Variants in ZFYVE1 observed in about 807,000 individuals in gnomAD.
ZFYVE1 encodes zinc finger FYVE-type containing 1, also known as zinc finger FYVE domain-containing protein 1.
A neutral mutation model predicts 74.4 loss-of-function variants in ZFYVE1; 30 were observed. The observed-to-expected ratio is 0.40, with a 90% CI of 0.30 to 0.55. ZFYVE1 has a LOEUF of 0.55. Ranked by LOEUF, ZFYVE1 falls within the 20% of genes least tolerant of loss-of-function variation. The pLI, the probability that ZFYVE1 is intolerant of heterozygous loss-of-function variation, is 0.42. For synonymous variants in ZFYVE1, 335 were observed against 385.1 expected (o/e 0.87, Z 1.52); for missense variants, 703 against 1,011.6 (o/e 0.69, Z 4.14).
At chr14:72,988,705 G>T (rs952118098) in intron 4 of ZFYVE1, among the ~76,000 whole-genome samples, 1 of 150,976 alleles carries the variant, frequency 6.6e-6, no homozygotes, top group Non-Finnish European at 1.5e-5. Flanking sequence ...TACTTGGGAG[G>T]CTGAGGCATG....
chr14:73,006,216 G>T (rs115517943), intron 2 of ZFYVE1, among the ~76,000 whole-genome samples: 3,424 of 151,532 alleles, frequency 0.023, 111 homozygotes, highest in African/African-American at 0.076. Context: ...ACCGCGCCCG[G>T]CCAAAACACA....
intron 2 of ZFYVE1, among the ~76,000 whole-genome samples, chr14:72,999,581 A>G (rs567298363): frequency 6.6e-6 from 1 of 152,304 alleles, no homozygotes; most frequent in East Asian, 1.9e-4. Flanking sequence ...TCAAAAAAAA[A>G]AAAGACAATG....
intron 4 of ZFYVE1, among the ~76,000 whole-genome samples, chr14:72,991,938 GCT>G (rs1327927319): frequency 6.8e-6 from 1 of 147,064 alleles, no homozygotes; most frequent in Non-Finnish European, 1.5e-5. Flanking sequence ...ACAGCATCTC[GCT>G]CTGTCTCCCA....
rs947258208 is a variant in ZFYVE1 at position 72,975,495 on chromosome 14, G to A, written c.1806+56C>T. ...GAACAAGCTTAGCACAGGGCAAAGC[G>A]GCATTAAGTAGGATGGGCTGTGCCA... On this transcript the variant is annotated intron_variant, in intron 9 of 11. Transcript: ENST00000556143. This position sits in a 1 kb window ranked among gnomAD's most constrained non-coding sequence, Gnocchi z 4.1. 1.3e-5 allele frequency: 20 copies of A among 1,560,286 alleles called. No homozygotes were observed. Among genetic ancestry groups the A allele is most frequent in the South Asian group, 9.7e-5 (8 of 82,386 alleles).
At chr14:73,023,230 G>A (rs1168970813) in intron 2 of ZFYVE1, among the ~76,000 whole-genome samples, 1 of 122,988 alleles carries the variant, frequency 8.1e-6, no homozygotes, top group Non-Finnish European at 1.7e-5. Flanking sequence ...TATTTTATAT[G>A]TTTTATATGT....
intron 4 of ZFYVE1, among the ~76,000 whole-genome samples, chr14:72,987,528 T>TA (rs1156940651): frequency 1.3e-5 from 2 of 151,938 alleles, no homozygotes; most frequent in Non-Finnish European, 2.9e-5. Context: ...AGATGGTGCC[T>TA]AGGGGACACA....
At chr14:72,978,359 G>C (rs1020588002) in intron 6 of ZFYVE1, 125 bp from the exon 7 acceptor site, 20 of 838,594 alleles carry the variant, frequency 2.4e-5, no homozygotes, top group Non-Finnish European at 3.5e-5. Context: ...CCGATCTCAG[G>C]AGTTCGAGAT....
intron 2 of ZFYVE1, 150 bp from the exon 3 acceptor site, chr14:72,998,465 T>C (rs772533839): frequency 3.8e-5 from 25 of 656,960 alleles, no homozygotes; most frequent in Non-Finnish European, 5.0e-5. Flanking sequence ...CCTCCACCCT[T>C]AGCAAACAGC....
At chr14:73,001,004 C>T (rs924758633) in intron 2 of ZFYVE1, among the ~76,000 whole-genome samples, 2 of 152,234 alleles carry the variant, frequency 1.3e-5, no homozygotes, top group African/African-American at 4.8e-5. Context: ...AAATTCCTAT[C>T]TATGCCTTGA....
At position 73,015,597 on chromosome 14, in the gene ZFYVE1, T is replaced by C. The variant is rs111437396; in HGVS notation, c.483+8429A>G. 7.2e-3 allele frequency among the ~76,000 whole-genome samples: 1,102 copies of C among 152,246 alleles called. 10 individuals are homozygous for C. Among genetic ancestry groups the C allele is most frequent in the African/African-American group, 0.025 (1,021 of 41,564 alleles). On this transcript the variant is annotated intron_variant, in intron 2 of 11. Transcript: ENST00000556143. ...CGGGGTTTTGCCATGTTAGCCAGGCTGCTCTCGAATTCCTGACCTCAAGTG... is the reference window on the plus strand; with the variant it reads ...CGGGGTTTTGCCATGTTAGCCAGGCCGCTCTCGAATTCCTGACCTCAAGTG...
Position 72,975,476 on chromosome 14 carries a change from G to T in ZFYVE1, c.1806+75C>A. 6.5e-7 allele frequency: 1 copy of T among 1,528,180 alleles called. No homozygotes were observed. The highest frequency in any genetic ancestry group is 8.8e-7 in the Non-Finnish European group (1 of 1,136,194). 94.7% of individuals were successfully genotyped at this position (1,528,180 alleles called of 1,614,324 possible). A position where few individuals can be genotyped will look rare whatever the true frequency, so the allele number is the denominator to read the frequency against. ...TGTTTGCGTCTCCCTCACAGAACAA[G>T]CTTAGCACAGGGCAAAGCGGCATTA... On this transcript the variant is annotated intron_variant, in intron 9 of 11. Coordinates refer to ENST00000556143, the MANE Select transcript of ZFYVE1 (RefSeq NM_021260.4). This position sits in a 1 kb window ranked among gnomAD's most constrained non-coding sequence, Gnocchi z 4.1.
chr14:72,986,823 C>T, intron 4 of ZFYVE1: 7 of 964,068 alleles, frequency 7.3e-6, no homozygotes, highest in Non-Finnish European at 8.6e-6. Context: ...AGCCACTGCG[C>T]CCGGCCCTGA....
intron 4 of ZFYVE1, among the ~76,000 whole-genome samples, chr14:72,984,045 G>C (rs1893413388): frequency 6.6e-6 from 1 of 152,056 alleles, no homozygotes; most frequent in South Asian, 2.1e-4. Flanking sequence ...GCAAGGAGTG[G>C]GTCAAACTGA....
intron 4 of ZFYVE1, among the ~76,000 whole-genome samples, chr14:72,991,467 G>A (rs1041409395): frequency 2.6e-5 from 4 of 152,076 alleles, no homozygotes; most frequent in Non-Finnish European, 5.9e-5. Context: ...GGGATTACAG[G>A]CGTGAGCCAC....
Position 72,993,252 on chromosome 14 carries a change from T to C in ZFYVE1, c.1094A>G (p.Tyr365Cys). ...CCCAGAAAAGTCCGTGGGAGGGTTG[T>C]AAGTCCTCGTTCCCTTGTAGTGAAT... ...SSIHYKGTRT[Y>C]NPPTDFSGLR... Residue 365 changes from tyrosine (Y) to cysteine (C), a missense_variant, in exon 4 of 12, where the codon TAC (tyrosine) becomes TGC (cysteine). Physicochemically the swap from Tyr to Cys is radical, Grantham distance 194 (BLOSUM62 -2). Transcript: ENST00000556143. The C allele has an allele frequency of 6.2e-7, 1 of 1,613,908 alleles. No homozygotes were observed. The highest frequency in any genetic ancestry group is 8.5e-7 in the Non-Finnish European group (1 of 1,179,996).
intron 2 of ZFYVE1, among the ~76,000 whole-genome samples, chr14:73,007,067 G>GCGAC (rs1272141466): frequency 6.6e-6 from 1 of 152,036 alleles, no homozygotes; most frequent in Non-Finnish European, 1.5e-5. Flanking sequence ...GCATCAACCT[G>GCGAC]CGACCCAAGC....
intron 2 of ZFYVE1, among the ~76,000 whole-genome samples, chr14:73,007,505 G>C (rs1290132204): frequency 3.3e-5 from 5 of 152,072 alleles, no homozygotes; most frequent in Non-Finnish European, 5.9e-5. Context: ...CTCCTAGGTA[G>C]CTAGGAGGAC....
At position 72,978,173 on chromosome 14, in the gene ZFYVE1, G is replaced by GA; in HGVS notation, c.1480dup (p.Ser494PhefsTer20). The stretch of plus-strand genomic sequence containing the variant: ...ATATTTTGCGAGACCCATCCAGGGG[G>GA]AGTCAGTGGAAGCAGATGTTTTGGG... On this transcript the variant is annotated frameshift_variant, in exon 7 of 12. Transcript: ENST00000556143. LOFTEE classifies it high-confidence loss of function. 6.2e-7 allele frequency: 1 copy of GA among 1,614,216 alleles called. No homozygotes were observed. The highest frequency in any genetic ancestry group is 8.5e-7 in the Non-Finnish European group (1 of 1,180,042).
intron 2 of ZFYVE1, among the ~76,000 whole-genome samples, chr14:73,014,954 G>T (rs1305678099): frequency 6.6e-6 from 1 of 152,108 alleles, no homozygotes. Flanking sequence ...CCCATACAGG[G>T]CCGGGTGCAG....
Sources: allele counts gnomAD v4.1 joint callset (sites outside exome capture counted in the v4.1 genomes callset), GRCh38; gene constraint gnomAD v4.1.1; non-coding constraint Gnocchi (gnomAD v3.1); transcripts MANE v1.5; gene names NCBI Gene and HGNC (gene_info 2026-07-23, HGNC 2026-07-21).